The following MYCBP2 variants were observed in gnomAD, a reference collection of about 807,000 sequenced individuals.
MYCBP2 encodes the protein MYC binding protein 2.
MYCBP2 carries 120 observed loss-of-function variants against 525.3 expected under a neutral mutation model. That is an observed-to-expected ratio of 0.23 (90% CI 0.20 to 0.27). The LOEUF is 0.27. MYCBP2 is among the 10% of genes least tolerant of loss of function. The pLI, the probability that MYCBP2 is intolerant of heterozygous loss-of-function variation, is 1.00. For missense variants in MYCBP2, 4,149 were observed against 5,657.1 expected (o/e 0.73, Z 8.55); for synonymous variants, 1,894 against 1,955.8 (o/e 0.97, Z 0.83).
chr13:77,129,370 T>C (rs961336642), intron 52 of MYCBP2: 1 of 383,350 alleles, frequency 2.6e-6, no homozygotes, highest in East Asian at 3.7e-5. Context: ...AAAGAGAAAC[T>C]GAAGCCATCT....
chr13:77,281,592 G>A (rs1181277873), intron 3 of MYCBP2, among the ~76,000 whole-genome samples: 2 of 151,978 alleles, frequency 1.3e-5, no homozygotes, highest in African/African-American at 4.8e-5. Context: ...AAATTTTGAA[G>A]GTTATCTATC....
intron 80 of MYCBP2, among the ~76,000 whole-genome samples, chr13:77,053,584 T>C (rs2037276571): frequency 6.6e-6 from 1 of 152,256 alleles, no homozygotes; most frequent in Admixed American, 6.5e-5. Context: ...CTATATCCTC[T>C]GCTTGGCTTC....
In MYCBP2 at chr13:77,251,353, A is replaced by C. The variant is rs1394764786; in HGVS notation, c.2179T>G (p.Phe727Val). 1 of 1,613,326 alleles carries C rather than the reference A, an allele frequency of 6.2e-7. No homozygotes were observed. Among genetic ancestry groups the C allele is most frequent in the Non-Finnish European group, 8.5e-7 (1 of 1,179,564 alleles). ...GCTGTTGCCATATTTTCAACTCCAA[A>C]CCCTATTTGACAGATCAATTTGTAA... ...TGAMNQGGKG[F>V]GVENMATAMD... The change falls in exon 15 of 83, where the codon TTT (phenylalanine) becomes GTT (valine). Residue 727 changes from phenylalanine (F) to valine (V), a missense_variant and splice_region_variant. Around this residue, in one of 21 missense-constraint regions of MYCBP2, gnomAD observed 620 missense variants for 795.5 expected, o/e 0.78. Transcript: ENST00000544440.
At chr13:77,192,886 T>C (rs566233369) in intron 27 of MYCBP2, among the ~76,000 whole-genome samples, 24 of 152,236 alleles carry the variant, frequency 1.6e-4, no homozygotes, top group African/African-American at 5.8e-4. Flanking sequence ...CCCAGCACTT[T>C]CAGAGGCCAA....
rs60927409 is a variant in MYCBP2 at position 77,183,541 on chromosome 13, C to CTTTTTTTTTTTTTTTTTTT, written c.4719+1543_4719+1561dup. ...TTGTTTATAGTGATAGTCCCTATTT[C>CTTTTTTTTTTTTTTTTTTT]TTTTTTTTTTTTTTTTTTTTTTTTT... On this transcript the variant is annotated intron_variant, in intron 32 of 82. Transcript: ENST00000544440. Among the ~76,000 whole-genome samples the CTTTTTTTTTTTTTTTTTTT allele has an allele frequency of 1.8e-4, 12 of 66,076 alleles. 1 individual carries two copies. Among genetic ancestry groups the CTTTTTTTTTTTTTTTTTTT allele is most frequent in the African/African-American group, 7.8e-4 (11 of 14,112 alleles). 43.3% of individuals were successfully genotyped at this position (66,076 alleles called of 152,430 possible). A position where few individuals can be genotyped will look rare whatever the true frequency, so the allele number is the denominator to read the frequency against.
chr13:77,322,334 C>T (rs2081767794), intron 1 of MYCBP2, among the ~76,000 whole-genome samples: 1 of 152,166 alleles, frequency 6.6e-6, no homozygotes, highest in African/African-American at 2.4e-5. Flanking sequence ...ATTGTTTTCA[C>T]TAACATTGTT....
rs948605284 is a variant in MYCBP2, at chr13:77,185,691, A to G, written c.4444+180T>C. On this transcript the variant is annotated intron_variant, in intron 31 of 82. Transcript: ENST00000544440. ...TACTTTTTGTATCAGAATGACATGT[A>G]ATCTATTTTACTCTTTATAAGCAAA... Among the ~76,000 whole-genome samples, 6 of 152,322 alleles carry G rather than the reference A, an allele frequency of 3.9e-5. No individual in the cohort carries two copies. The East Asian group carries it at 1.2e-3, about 29-fold the overall frequency.
At chr13:77,260,947 T>TC (rs1472367065) in intron 12 of MYCBP2, among the ~76,000 whole-genome samples, 1 of 152,138 alleles carries the variant, frequency 6.6e-6, no homozygotes, top group Admixed American at 6.5e-5. Context: ...CTCCTTTTTT[T>TC]CCCAAGTTGT....
rs4885445 is a variant in MYCBP2, at chr13:77,177,757, C to T, written c.5331G>A (p.Leu1777=). 1,158,981 of 1,609,990 alleles carry T rather than the reference C, an allele frequency of 0.72. 425,441 individuals carry two copies. Among genetic ancestry groups the T allele is most frequent in the Admixed American group, 0.82 (49,245 of 59,978 alleles). ...GGIHEYELEV[L]VDDSEHAGDS... Reference sequence around the variant, plus strand: ...AAAGGGTGATACTTACATCATCAACCAACACCTCTAATTCATATTCATGAA... The same window carrying T: ...AAAGGGTGATACTTACATCATCAACTAACACCTCTAATTCATATTCATGAA... Residue 1777 remains leucine (L), a synonymous_variant, in exon 35 of 83, where the codon TTG becomes TTA. Coordinates refer to ENST00000544440, the MANE Select transcript of MYCBP2 (RefSeq NM_015057.5).
intron 17 of MYCBP2, among the ~76,000 whole-genome samples, chr13:77,242,403 C>T (rs750528525): frequency 1.3e-5 from 2 of 152,094 alleles, no homozygotes; most frequent in African/African-American, 2.4e-5. Flanking sequence ...CGTGAGCCAC[C>T]GTGCCTGGCC....
At chr13:77,260,374 C>T in intron 13 of MYCBP2, 54 bp downstream of exon 13, 3 of 1,277,992 alleles carry the variant, frequency 2.3e-6, no homozygotes, top group Non-Finnish European at 2.1e-6. Context: ...CTTTGTCATA[C>T]ATAACTAGTA....
chr13:77,263,013 T>C (rs1463669538), intron 10 of MYCBP2, among the ~76,000 whole-genome samples: 1 of 151,988 alleles, frequency 6.6e-6, no homozygotes, highest in Non-Finnish European at 1.5e-5. Context: ...CTATTAAACC[T>C]GGAGTGGCAT....
chr13:77,163,522 T>G (rs2058187564), intron 43 of MYCBP2, among the ~76,000 whole-genome samples: 1 of 152,140 alleles, frequency 6.6e-6, no homozygotes, highest in Non-Finnish European at 1.5e-5. Context: ...CTTTAAACCA[T>G]GTATAAATAT....
intron 23 of MYCBP2, among the ~76,000 whole-genome samples, chr13:77,209,219 A>G (rs1376695119): frequency 6.6e-6 from 1 of 152,224 alleles, no homozygotes; most frequent in African/African-American, 2.4e-5. Context: ...AATGGAAAAG[A>G]CAAGGTTCAA....
Position 77,326,831 on chromosome 13 carries a change from ACG to A in MYCBP2, c.-58_-57del. On this transcript the variant is annotated 5_prime_UTR_variant, in exon 1 of 83. Coordinates refer to ENST00000544440, the MANE Select transcript of MYCBP2 (RefSeq NM_015057.5). This position sits in a 1 kb window ranked among gnomAD's most constrained non-coding sequence, Gnocchi z 4.2. The stretch of plus-strand genomic sequence containing the variant: ...GTCCCCGCGGGCCGGGCGGGCAGAC[ACG>A]CGCGCGCACACACAGCCCTTTTCCA... The A allele has an allele frequency of 1.5e-6, 2 of 1,367,672 alleles. No homozygotes were observed. The highest frequency in any genetic ancestry group is 1.5e-5 in the African/African-American group (1 of 64,806). 84.7% of individuals were successfully genotyped at this position (1,367,672 alleles called of 1,614,324 possible).
intron 76 of MYCBP2, among the ~76,000 whole-genome samples, chr13:77,060,858 A>G (rs551153111): frequency 4.6e-5 from 7 of 152,294 alleles, no homozygotes; most frequent in African/African-American, 1.7e-4. Context: ...TTATCAATAG[A>G]AATGTATTTT....
At chr13:77,054,158 C>T (rs935133505) in intron 80 of MYCBP2, among the ~76,000 whole-genome samples, 1 of 151,736 alleles carries the variant, frequency 6.6e-6, no homozygotes, top group Non-Finnish European at 1.5e-5. Context: ...TTGGGGGTGG[C>T]AGGTCAGAGT....
intron 1 of MYCBP2, among the ~76,000 whole-genome samples, chr13:77,306,417 G>C (rs576267351): frequency 4.6e-5 from 7 of 152,246 alleles, no homozygotes; most frequent in Admixed American, 1.3e-4. Flanking sequence ...CTTGATTTAG[G>C]GGAGAGATGA....
In MYCBP2 at chr13:77,126,461, T is replaced by C. The variant is rs762244520; in HGVS notation, c.7741A>G (p.Met2581Val). The change falls in exon 53 of 83, where the codon ATG becomes GTG. Residue 2581 changes from methionine (M) to valine (V), a missense_variant. By Grantham distance (21) the Met-to-Val change is conservative. Coordinates refer to ENST00000544440, the MANE Select transcript of MYCBP2 (RefSeq NM_015057.5). ...CCTGGCCCTCCTCGCAAGAATGGCATATCTTGTTCTTGCATTGTTGCTTCC... is the reference window on the plus strand; with the variant it reads ...CCTGGCCCTCCTCGCAAGAATGGCACATCTTGTTCTTGCATTGTTGCTTCC... The part of the protein sequence containing the change: ...PQEATMQEQD[M>V]PFLRGGPGMY... 4 of 1,613,900 alleles carry C rather than the reference T, an allele frequency of 2.5e-6. No individual in the cohort carries two copies. In the South Asian group the frequency reaches 4.4e-5, roughly 18 times the overall value.
Sources: allele counts gnomAD v4.1 joint callset (sites outside exome capture counted in the v4.1 genomes callset), GRCh38; gene constraint gnomAD v4.1.1; regional missense constraint gnomAD v4.1.1; non-coding constraint Gnocchi (gnomAD v3.1); transcripts MANE v1.5; gene names NCBI Gene and HGNC (gene_info 2026-07-23, HGNC 2026-07-21).